The following RCC2 variants were observed in gnomAD, a reference collection of about 807,000 sequenced individuals.
RCC2 encodes the protein regulator of chromosome condensation 2.
Under a neutral mutation model 64.1 loss-of-function variants are expected in RCC2, and 19 were observed. The observed-to-expected ratio is 0.30, with a 90% CI of 0.21 to 0.44. RCC2 has a LOEUF of 0.44. Among genes scored for constraint, RCC2 ranks in the 20% least tolerant of loss-of-function variants. The pLI is 1.00. For missense variants in RCC2, 508 were observed against 710.4 expected (o/e 0.72, Z 3.24); for synonymous variants, 325 against 279.6 (o/e 1.16, Z -1.62).
chr1:17,414,682 A>G (rs2075464101), intron 8 of RCC2, among the ~76,000 whole-genome samples: 1 of 151,898 alleles, frequency 6.6e-6, no homozygotes, highest in African/African-American at 2.4e-5. Flanking sequence ...CCTAGGCTGG[A>G]ATGCAATGGC....
chr1:17,416,754 C>CAGAAGGGCCAGA, intron 7 of RCC2, 108 bp from the exon 8 acceptor site: 1 of 1,168,638 alleles, frequency 8.6e-7, no homozygotes, highest in Non-Finnish European at 1.2e-6. Flanking sequence ...CAATCTGGCC[C>CAGAAGGGCCAGA]TTCTGGGCCT....
In RCC2 at chr1:17,438,467, C is replaced by G. The variant is rs1474450989; in HGVS notation, c.48G>C (p.Ser16=). The change falls in exon 2 of 13, where the codon TCG becomes TCC. Residue 16 remains serine (S), a synonymous_variant. Coordinates refer to ENST00000375436, the MANE Select transcript of RCC2 (RefSeq NM_018715.4). ...AAAAAWEEPS[S]GNGTARAGPR... ...GCCCGGCGCGGGCAGTGCCGTTGCC[C>G]GAGCTCGGCTCCTCCCAGGCCGCCG... 7.5e-7 allele frequency: 1 copy of G among 1,330,490 alleles called. No individual in the cohort carries two copies. The highest frequency in any genetic ancestry group is 9.6e-7 in the Non-Finnish European group (1 of 1,044,528). The allele number at this position is 1,330,490 out of a possible 1,614,324, so 82.4% of individuals were successfully genotyped here. A position where few individuals can be genotyped will look rare whatever the true frequency, so the allele number is the denominator to read the frequency against.
Position 17,422,302 on chromosome 1 carries a change from G to A in RCC2, c.656-11C>T, listed in dbSNP as rs1287848889. 6.2e-7 allele frequency: 1 copy of A among 1,603,888 alleles called. No homozygotes were observed. Among genetic ancestry groups the A allele is most frequent in the South Asian group, 1.1e-5 (1 of 90,328 alleles). On this transcript the variant is annotated splice_polypyrimidine_tract_variant and intron_variant, in intron 5 of 12. Coordinates refer to ENST00000375436, the MANE Select transcript of RCC2 (RefSeq NM_018715.4). Reference sequence around the variant, plus strand: ...ACACGGAGCCCGTTTCTGGAAGAAAGGAAAAATATCACAAAAGGGAAGATA... The same window carrying A: ...ACACGGAGCCCGTTTCTGGAAGAAAAGAAAAATATCACAAAAGGGAAGATA...
At chr1:17,431,248 G>A (rs573105279) in intron 2 of RCC2, among the ~76,000 whole-genome samples, 1 of 144,498 alleles carries the variant, frequency 6.9e-6, no homozygotes, top group African/African-American at 2.6e-5. Flanking sequence ...GCAGGAGATT[G>A]GTGTGAACCC....
chr1:17,413,475 G>A (rs2100355455), intron 9 of RCC2, 62 bp downstream of exon 9: 2 of 1,541,350 alleles, frequency 1.3e-6, no homozygotes, highest in Non-Finnish European at 1.8e-6. Flanking sequence ...TCTAGGGACA[G>A]GACAATGGCT....
rs115596162 is a variant in RCC2, at chr1:17,424,738, G to A, written c.523+803C>T. Among the ~76,000 whole-genome samples, 360 of 152,322 alleles carry A rather than the reference G, an allele frequency of 2.4e-3. 2 individuals carry two copies. The highest frequency in any genetic ancestry group is 4.1e-3 in the Non-Finnish European group (282 of 68,030). On this transcript the variant is annotated intron_variant, in intron 4 of 12. Transcript: ENST00000375436. ...AGCCAGAGGACCAGCGACAAAGGGT[G>A]GGGACAAACGCCAATATGCCCCGCT...
chr1:17,429,596 A>G (rs947311076), intron 2 of RCC2, among the ~76,000 whole-genome samples: 2 of 152,152 alleles, frequency 1.3e-5, no homozygotes, highest in East Asian at 1.9e-4. Context: ...TCTATTTCAC[A>G]TGGCAAGCAC....
In RCC2 at chr1:17,439,676, A is replaced by G. The variant is rs530877784; in HGVS notation, c.-140T>C. ...CACCAGATACACTTAAAATGTAAATACGAGCTTCCAGAACAAATGCTACAA... is the reference window on the plus strand; with the variant it reads ...CACCAGATACACTTAAAATGTAAATGCGAGCTTCCAGAACAAATGCTACAA... On this transcript the variant is annotated 5_prime_UTR_variant, in exon 1 of 13. Transcript: ENST00000375436. 5.4e-5 allele frequency: 8 copies of G among 149,046 alleles called. No individual in the cohort carries two copies. Among genetic ancestry groups the G allele is most frequent in the Non-Finnish European group, 1.0e-4 (7 of 67,366 alleles). 9.2% of individuals were successfully genotyped at this position (149,046 alleles called of 1,614,324 possible). A position where few individuals can be genotyped will look rare whatever the true frequency, so the allele number is the denominator to read the frequency against.
At chr1:17,433,634 G>A (rs1243171328) in intron 2 of RCC2, among the ~76,000 whole-genome samples, 1 of 152,208 alleles carries the variant, frequency 6.6e-6, no homozygotes, top group Non-Finnish European at 1.5e-5. Context: ...CATTTCACCT[G>A]GCTGCCTCCA....
At chr1:17,438,950 C>T (rs976269161) in intron 1 of RCC2, among the ~76,000 whole-genome samples, 1 of 152,188 alleles carries the variant, frequency 6.6e-6, no homozygotes, top group Non-Finnish European at 1.5e-5. Context: ...GGAGCCCCTG[C>T]TCCCCGGCTA....
rs2075564098 is a variant in RCC2, at chr1:17,422,253, C to CCA, written c.692_693dup (p.Gly232TrpfsTer19). The stretch of plus-strand genomic sequence containing the variant: ...GTCTGGTTGCCAAGGCCCAGCTGCC[C>CCA]CATCTTGTTTTCCCCAAACGCAAAC... On this transcript the variant is annotated frameshift_variant, in exon 6 of 13. Coordinates refer to ENST00000375436, the MANE Select transcript of RCC2 (RefSeq NM_018715.4). LOFTEE classifies it high-confidence loss of function. The CCA allele has an allele frequency of 6.2e-7, 1 of 1,611,958 alleles. No individual in the cohort carries two copies. The highest frequency in any genetic ancestry group is 1.3e-5 in the African/African-American group (1 of 74,804).
rs111465289 is a variant in RCC2, at chr1:17,412,273, T to TGTG, written c.1314-82_1314-80dup. 806 of 1,327,234 alleles carry TGTG rather than the reference T, an allele frequency of 6.1e-4. 5 individuals are homozygous for TGTG. In the African/African-American group the frequency reaches 0.01, roughly 17 times the overall value. The allele number at this position is 1,327,234 out of a possible 1,614,324, so 82.2% of individuals were successfully genotyped here. On this transcript the variant is annotated intron_variant, in intron 10 of 12. Transcript: ENST00000375436. ...CGCAGCTATGGCTCAAGGGCATGAG[T>TGTG]GTGAGCTGCCACTTTTCCCTTGGCG...
intron 6 of RCC2, 118 bp downstream of exon 6, chr1:17,422,085 T>A: frequency 1.4e-6 from 1 of 691,108 alleles, no homozygotes; most frequent in Non-Finnish European, 2.4e-6. Context: ...TAACTAAACA[T>A]CCAGACCCTG....
chr1:17,419,383 A>C (rs559235315), intron 7 of RCC2, among the ~76,000 whole-genome samples: 1 of 152,246 alleles, frequency 6.6e-6, no homozygotes, highest in African/African-American at 2.4e-5. Flanking sequence ...TGCCCAGCCC[A>C]GTTCAGTGCA....
intron 4 of RCC2, among the ~76,000 whole-genome samples, chr1:17,425,293 T>C (rs373583612): frequency 6.6e-6 from 1 of 152,056 alleles, no homozygotes; most frequent in African/African-American, 2.4e-5. Flanking sequence ...AAATGTTCCT[T>C]GTGTAAACAC....
chr1:17,422,922 A>C, intron 4 of RCC2, 86 bp from the exon 5 acceptor site: 19 of 1,521,632 alleles, frequency 1.2e-5, no homozygotes, highest in Non-Finnish European at 1.6e-5. Flanking sequence ...ACACACTCTC[A>C]AATGATGCCC....
At position 17,409,329 on chromosome 1, in the gene RCC2, C is replaced by A. The variant is rs140673421; in HGVS notation, c.1465-135G>T. The A allele has an allele frequency of 1.4e-3, 892 of 652,196 alleles. 3 individuals are homozygous for A. Among genetic ancestry groups the A allele is most frequent in the Non-Finnish European group, 1.7e-3 (631 of 362,834 alleles). 40.4% of individuals were successfully genotyped at this position (652,196 alleles called of 1,614,324 possible). On this transcript the variant is annotated intron_variant, in intron 12 of 12. Coordinates refer to ENST00000375436, the MANE Select transcript of RCC2 (RefSeq NM_018715.4). ...GAGTGCCCTTGAAAACTGCAAAAAG[C>A]CCCTCTGCCCAAGACAGCTAGTTTC... is the stretch of plus-strand genomic sequence containing the variant.
intron 7 of RCC2, 99 bp downstream of exon 7, chr1:17,420,615 T>TA (rs1443505596): frequency 4.4e-6 from 3 of 675,590 alleles, no homozygotes; most frequent in Non-Finnish European, 7.3e-6. Context: ...TGAGATCAAT[T>TA]ACCCACATTT....
At chr1:17,424,670 C>T (rs371437781) in intron 4 of RCC2, among the ~76,000 whole-genome samples, 11 of 152,174 alleles carry the variant, frequency 7.2e-5, no homozygotes, top group South Asian at 2.1e-4. Context: ...AAAAACGGTT[C>T]AAACAGCCCA....
Sources: gnomAD v4.1 joint callset for allele counts (sites outside exome capture counted in the v4.1 genomes callset) on GRCh38, gnomAD v4.1.1 for gene constraint, MANE v1.5 for transcripts, NCBI Gene and HGNC (gene_info 2026-07-23, HGNC 2026-07-21) for gene names.